The following RWDD3 variants were observed in gnomAD, a reference collection of about 807,000 sequenced individuals.
The protein encoded by RWDD3 is RWD domain-containing protein 3.
RWDD3 carries 30 observed loss-of-function variants against 26.5 expected under a neutral mutation model. That is an observed-to-expected ratio of 1.13 (90% confidence interval 0.85 to 1.54). The LOEUF (loss-of-function observed/expected upper bound fraction) is 1.54. Among genes scored for constraint, RWDD3 ranks in the 40% most tolerant of loss-of-function variants. RWDD3 has a pLI of 0.00. For missense variants in RWDD3, 296 were observed against 309.1 expected, an observed-to-expected ratio of 0.96 and a Z score of 0.32; for synonymous variants, 113 against 114.5, an observed-to-expected ratio of 0.99 and a Z score of 0.09.
At position 95,246,840 on chromosome 1, in the gene RWDD3, C is replaced by T. The variant is rs759337170; in HGVS notation, c.774C>T (p.Phe258=). ...EFETAGLKKL[F]SEFVLALVK is the part of the protein sequence containing the mutation. ...AAACTGCAGGACTTAAGAAGCTTTTCTCCGAATTTGTACTTGCTCTGGTAA... is the reference window on the plus strand; with the variant it reads ...AAACTGCAGGACTTAAGAAGCTTTTTTCCGAATTTGTACTTGCTCTGGTAA... The change falls in exon 4 of 4, where the codon TTC becomes TTT. Residue 258 remains phenylalanine, a synonymous_variant. Transcript: ENST00000370202. The T allele has an allele frequency of 1.3e-6, 2 of 1,553,024 alleles. No individual in the cohort carries two copies. Among genetic ancestry groups the T allele is most frequent in the Non-Finnish European group, 8.7e-7 (1 of 1,153,972 alleles).
intron 1 of RWDD3, among the ~76,000 whole-genome samples, chr1:95,235,867 T>G (rs919314731): frequency 6.7e-6 from 1 of 148,474 alleles, no homozygotes; most frequent in Non-Finnish European, 1.5e-5. Flanking sequence ...TTCTATTGAA[T>G]AAAAAAAAAA....
intron 2 of RWDD3, chr1:95,244,922 C>T (rs1189900766): frequency 2.0e-6 from 1 of 503,596 alleles, no homozygotes; most frequent in East Asian, 3.4e-5. Flanking sequence ...TTTTAAAAAT[C>T]ATGTCACTTA....
chr1:95,235,714 C>T (rs917261077), intron 1 of RWDD3, among the ~76,000 whole-genome samples: 4 of 151,968 alleles, frequency 2.6e-5, no homozygotes, highest in Non-Finnish European at 5.9e-5. Context: ...ATTTAGCCCA[C>T]ATTTATTGAA....
chr1:95,236,344 AAAAG>A (rs1229849288), intron 1 of RWDD3, among the ~76,000 whole-genome samples: 1 of 151,814 alleles, frequency 6.6e-6, no homozygotes, highest in African/African-American at 2.4e-5. Context: ...AAAAAAAAAA[AAAAG>A]TAGTCTAAAA....
Position 95,244,358 on chromosome 1 carries a change from C to T in RWDD3, c.233C>T (p.Ala78Val). ...ATTAACTCTGAACAGTTGACCAGGG[C>T]CCAGTGTGTGACTGTGAAAGAGAAT... Reference protein sequence around the residue: ...ISINSEQLTRAQCVTVKENLL... With the variant: ...ISINSEQLTRVQCVTVKENLL... The change falls in exon 2 of 4, where the codon GCC (alanine) becomes GTC (valine). Residue 78 changes from alanine (A) to valine (V), a missense_variant. Ala to Val is a moderately conservative substitution (Grantham distance 64). Transcript: ENST00000370202. The T allele has an allele frequency of 6.2e-7, 1 of 1,614,140 alleles. No homozygotes were observed.
At chr1:95,239,753 A>G in intron 1 of RWDD3, 1 of 1,247,444 alleles carries the variant, frequency 8.0e-7, no homozygotes, top group South Asian at 1.4e-5. Context: ...AGTTTCACCC[A>G]TTGCTATTCT....
At chr1:95,238,557 T>C (rs1680465569) in intron 1 of RWDD3, among the ~76,000 whole-genome samples, 1 of 151,582 alleles carries the variant, frequency 6.6e-6, no homozygotes, top group South Asian at 2.1e-4. Flanking sequence ...TATGAGAGGG[T>C]GCTGAAGGTT....
intron 1 of RWDD3, chr1:95,239,902 A>G (rs555251562): frequency 7.8e-7 from 1 of 1,289,782 alleles, no homozygotes; most frequent in African/African-American, 1.5e-5. Flanking sequence ...TGCACCAGAG[A>G]GGACCCGGTA....
At chr1:95,243,153 T>C (rs534741006) in intron 1 of RWDD3, 2 of 152,362 alleles carry the variant, frequency 1.3e-5, no homozygotes, top group Non-Finnish European at 2.9e-5. Context: ...AAAAACTCTG[T>C]AACAGATGTG....
Position 95,238,620 on chromosome 1 carries a change from G to GAA in RWDD3, c.85+4312_85+4313dup, listed in dbSNP as rs36084036. Among the ~76,000 whole-genome samples, 61 of 150,578 alleles carry GAA rather than the reference G, an allele frequency of 4.1e-4. No individual in the cohort carries two copies. The East Asian group carries it at 0.01, about 25-fold the overall frequency. On this transcript the variant is annotated intron_variant, in intron 1 of 3. Transcript: ENST00000370202. ...CTTGAGGATATATAACAATTGCAAA[G>GAA]AAAAAAAACACAAGTGTAGGGAAGG...
chr1:95,244,324 G>C lies in RWDD3; in HGVS notation c.199G>C (p.Gly67Arg). 1 of 1,614,184 alleles carries C rather than the reference G, an allele frequency of 6.2e-7. No individual in the cohort carries two copies. The change falls in exon 2 of 4, where the codon GGT becomes CGT. Residue 67 changes from glycine to arginine, a missense_variant. By Grantham distance (125) the Gly-to-Arg change is moderately radical. Coordinates refer to ENST00000370202, the MANE Select transcript of RWDD3 (RefSeq NM_015485.5). ...LPVNYPSCLP[G>R]ISINSEQLTR... The stretch of plus-strand genomic sequence containing the variant: ...AGTCAATTATCCTTCATGTCTACCT[G>C]GTATCTCGATTAACTCTGAACAGTT...
chr1:95,234,219 G>C lies in RWDD3; in HGVS notation c.-12G>C. The stretch of plus-strand genomic sequence containing the variant: ...CGGAAGGGGAAGCGCTGAGGCGGTG[G>C]GGCCCACAGCCATGGCGGAGCCTGT... On this transcript the variant is annotated 5_prime_UTR_variant, in exon 1 of 4. Transcript: ENST00000370202. 1 of 1,577,480 alleles carries C rather than the reference G, an allele frequency of 6.3e-7. No individual in the cohort carries two copies. The highest frequency in any genetic ancestry group is 8.6e-7 in the Non-Finnish European group (1 of 1,162,604).
chr1:95,245,140 T>C (rs2101123749), intron 2 of RWDD3, among the ~76,000 whole-genome samples: 1 of 152,358 alleles, frequency 6.6e-6, no homozygotes, highest in South Asian at 2.1e-4. Context: ...GACACTTTAA[T>C]TTGGTATCTA....
chr1:95,237,134 G>A (rs1680393886), intron 1 of RWDD3, among the ~76,000 whole-genome samples: 1 of 151,790 alleles, frequency 6.6e-6, no homozygotes, highest in Admixed American at 6.6e-5. Flanking sequence ...GTTCACAAGT[G>A]GGAATTAAGG....
intron 2 of RWDD3, 40 bp from the exon 3 acceptor site, chr1:95,246,502 A>G (rs1680855963): frequency 9.7e-7 from 1 of 1,026,918 alleles, no homozygotes; most frequent in Admixed American, 2.1e-5. Flanking sequence ...TTTGAGACTC[A>G]GAGTAAGATA....
At chr1:95,234,652 C>T (rs1571834553) in intron 1 of RWDD3, among the ~76,000 whole-genome samples, 1 of 149,222 alleles carries the variant, frequency 6.7e-6, no homozygotes, top group South Asian at 2.2e-4. Flanking sequence ...CCTGTGCTGA[C>T]GCCCCCTCGT....
chr1:95,244,410 G>A lies in RWDD3; in HGVS notation c.285G>A (p.Leu95=), dbSNP rs1680758953. 1 of 1,614,078 alleles carries A rather than the reference G, an allele frequency of 6.2e-7. No individual in the cohort carries two copies. Among genetic ancestry groups the A allele is most frequent in the Non-Finnish European group, 8.5e-7 (1 of 1,180,042 alleles). The stretch of plus-strand genomic sequence containing the variant: ...TACTTGAGCAAGCAGAGAGCCTTTT[G>A]TCGGAGCCTATGGTTCATGAGCTGG... ...ENLLEQAESL[L]SEPMVHELVL... is the part of the protein sequence containing the mutation. Residue 95 remains leucine, a synonymous_variant, in exon 2 of 4, where the codon TTG becomes TTA. Coordinates refer to ENST00000370202, the MANE Select transcript of RWDD3 (RefSeq NM_015485.5).
chr1:95,245,967 A>G (rs1321209364), intron 2 of RWDD3: 2 of 152,096 alleles, frequency 1.3e-5, no homozygotes, highest in South Asian at 2.1e-4. Flanking sequence ...CTAAAATGTC[A>G]TTTTATATAA....
At chr1:95,242,702 CGAG>C in intron 1 of RWDD3, among the ~76,000 whole-genome samples, 1 of 151,986 alleles carries the variant, frequency 6.6e-6, no homozygotes, top group South Asian at 2.1e-4. Context: ...GTGGTTCACC[CGAG>C]GTCAGGAGTT....
Sources: gnomAD v4.1 joint callset for allele counts (sites outside exome capture counted in the v4.1 genomes callset) on GRCh38, gnomAD v4.1.1 for gene constraint, MANE v1.5 for transcripts, NCBI Gene and HGNC (gene_info 2026-07-23, HGNC 2026-07-21) for gene names.